TUSC3: variants seen among roughly 807,000 people sequenced by gnomAD.
The protein encoded by TUSC3 is tumor suppressor candidate 3.
Under a neutral mutation model 44.8 loss-of-function variants are expected in TUSC3, and 45 were observed. The observed-to-expected ratio is 1.00, with a 90% CI of 0.79 to 1.29. The LOEUF (loss-of-function observed/expected upper bound fraction) is 1.29, where lower values mean the gene tolerates loss of function less well. Ranked by LOEUF, TUSC3 falls within the 50% of genes most tolerant of loss-of-function variation. The pLI, the probability that TUSC3 is intolerant of heterozygous loss-of-function variation, is 0.00. For missense variants in TUSC3, 519 were observed against 437.9 expected (o/e 1.19, Z -1.65); for synonymous variants, 212 against 152.9 (o/e 1.39, Z -2.85).
intron 9 of TUSC3, 54 bp from the exon 10 acceptor site, chr8:15,757,737 T>C: frequency 6.8e-7 from 1 of 1,476,928 alleles, no homozygotes; most frequent in Non-Finnish European, 9.5e-7. Flanking sequence ...GGAAATTCAA[T>C]CTTAAGGATT....
At chr8:15,609,668 A>G (rs1331144044) in intron 1 of TUSC3, among the ~76,000 whole-genome samples, 1 of 152,108 alleles carries the variant, frequency 6.6e-6, no homozygotes, top group Non-Finnish European at 1.5e-5. Context: ...CATGATTCCC[A>G]TTATAATGAT....
At chr8:15,728,211 G>A (rs563131230) in intron 6 of TUSC3, among the ~76,000 whole-genome samples, 2 of 152,250 alleles carry the variant, frequency 1.3e-5, no homozygotes, top group South Asian at 2.1e-4. Context: ...AGTAATGATA[G>A]GATAGTTTTG....
chr8:15,822,666 T>A, the TUSC3 span, among the ~76,000 whole-genome samples: 2 of 151,916 alleles, frequency 1.3e-5, no homozygotes, highest in Non-Finnish European at 2.9e-5. Flanking sequence ...CTAGAAAAGA[T>A]AAGGAACCAG....
At chr8:15,424,174 A>G (rs1428874183) in intron 1 of TUSC3, among the ~76,000 whole-genome samples, 1 of 151,414 alleles carries the variant, frequency 6.6e-6, no homozygotes, top group Non-Finnish European at 1.5e-5. Context: ...TTTTTAGTAT[A>G]GAGGGGGTTT....
Position 15,643,334 on chromosome 8 carries a change from A to T in TUSC3, c.309-7363A>T, listed in dbSNP as rs77283028. On this transcript the variant is annotated intron_variant, in intron 2 of 10. Transcript: ENST00000503731. ...AAACTTGTTAAACGAACAATGCGTT[A>T]AATGATTTCCTTACTACATTGTGTG... is the stretch of plus-strand genomic sequence containing the variant. Among the ~76,000 whole-genome samples, 118 of 152,290 alleles carry T rather than the reference A, an allele frequency of 7.7e-4. 1 individual carries two copies. Among genetic ancestry groups the T allele is most frequent in the Non-Finnish European group, 1.4e-3 (94 of 68,020 alleles).
chr8:15,583,185 A>C (rs1250836432), intron 1 of TUSC3, among the ~76,000 whole-genome samples: 1 of 152,230 alleles, frequency 6.6e-6, no homozygotes, highest in Non-Finnish European at 1.5e-5. Flanking sequence ...ATGTCGTCAA[A>C]ATGAAATTAA....
At chr8:15,787,329 G>A in the TUSC3 span, among the ~76,000 whole-genome samples, 4,018 of 152,158 alleles carry the variant, frequency 0.026, 116 homozygotes, top group Non-Finnish European at 0.037. Flanking sequence ...TGTTAGGTTA[G>A]AATCAATCCT....
the TUSC3 span, among the ~76,000 whole-genome samples, chr8:15,843,884 G>A: frequency 6.6e-6 from 1 of 152,020 alleles, no homozygotes; most frequent in Non-Finnish European, 1.5e-5. Flanking sequence ...GATAAATAAT[G>A]ATGAAGTCTC....
At chr8:15,822,831 C>A in the TUSC3 span, among the ~76,000 whole-genome samples, 1 of 152,060 alleles carries the variant, frequency 6.6e-6, no homozygotes, top group Non-Finnish European at 1.5e-5. Context: ...TTGCATACAC[C>A]AATAAGAAGA....
At chr8:15,779,191 G>A in the TUSC3 span, among the ~76,000 whole-genome samples, 1 of 148,628 alleles carries the variant, frequency 6.7e-6, no homozygotes, top group Non-Finnish European at 1.5e-5. Context: ...GTCGCCAGTA[G>A]TATCGGGGAA....
At chr8:15,592,325 C>G (rs921879237) in intron 1 of TUSC3, among the ~76,000 whole-genome samples, 1 of 152,186 alleles carries the variant, frequency 6.6e-6, no homozygotes, top group Non-Finnish European at 1.5e-5. Flanking sequence ...TAAGCTTTTT[C>G]TGTGTGAATA....
At chr8:15,655,568 T>G (rs899851984) in intron 3 of TUSC3, among the ~76,000 whole-genome samples, 2 of 152,178 alleles carry the variant, frequency 1.3e-5, no homozygotes, top group Non-Finnish European at 2.9e-5. Context: ...CCACCTGGCC[T>G]TCCTCCAAGT....
At chr8:15,661,014 C>A (rs1807399293) in intron 4 of TUSC3, among the ~76,000 whole-genome samples, 1 of 151,454 alleles carries the variant, frequency 6.6e-6, no homozygotes, top group African/African-American at 2.4e-5. Flanking sequence ...TTTAGGTTCA[C>A]CTATTGTTAA....
the TUSC3 span, among the ~76,000 whole-genome samples, chr8:15,849,373 C>A: frequency 2.6e-5 from 4 of 152,114 alleles, no homozygotes; most frequent in Admixed American, 6.6e-5. Flanking sequence ...AACTTGATCA[C>A]CCTGGAATTC....
chr8:15,752,331 T>G (rs1811742049), intron 9 of TUSC3, among the ~76,000 whole-genome samples: 1 of 147,248 alleles, frequency 6.8e-6, no homozygotes, highest in Non-Finnish European at 1.5e-5. Flanking sequence ...ACTGCTATGG[T>G]GTGACAGCCT....
At chr8:15,676,977 G>C (rs1051043778) in intron 6 of TUSC3, among the ~76,000 whole-genome samples, 2 of 152,108 alleles carry the variant, frequency 1.3e-5, no homozygotes, top group Non-Finnish European at 2.9e-5. Context: ...TATATTGAAA[G>C]TCATCAGTAA....
rs188970051 is a variant in TUSC3 at position 15,420,683 on chromosome 8, C to G, written n.91+3378C>G. Among the ~76,000 whole-genome samples the G allele has an allele frequency of 1.6e-3, 247 of 152,208 alleles. 1 individual carries two copies. The highest frequency in any genetic ancestry group is 5.6e-3 in the African/African-American group (232 of 41,542). On this transcript the variant is annotated intron_variant and non_coding_transcript_variant, in intron 1 of 5. Coordinates refer to the TUSC3 transcript ENST00000503191. ...TCAAACCATCTTTAATCATGATTCT[C>G]TTTCCCACTCCTACAAAGTACCTCT...
chr8:15,798,483 G>A, the TUSC3 span, among the ~76,000 whole-genome samples: 1 of 152,066 alleles, frequency 6.6e-6, no homozygotes, highest in Non-Finnish European at 1.5e-5. Flanking sequence ...CCATAAAGTC[G>A]CTGAGATCGG....
chr8:15,437,198 A>G (rs1319022459), intron 1 of TUSC3, among the ~76,000 whole-genome samples: 1 of 152,214 alleles, frequency 6.6e-6, no homozygotes, highest in Non-Finnish European at 1.5e-5. Context: ...TAATTGTATT[A>G]CATGAACAAA....
Sources: gnomAD v4.1 joint callset for allele counts (sites outside exome capture counted in the v4.1 genomes callset) on GRCh38, gnomAD v4.1.1 for gene constraint, MANE v1.5 for transcripts, NCBI Gene and HGNC (gene_info 2026-07-23, HGNC 2026-07-21) for gene names.